The following RADIL variants were observed in gnomAD, a reference collection of about 807,000 sequenced individuals.
RADIL encodes the protein ras-associating and dilute domain-containing protein.
A neutral mutation model predicts 97.6 loss-of-function variants in RADIL; 99 were observed. The observed-to-expected ratio is 1.01, with a 90% CI of 0.86 to 1.20. The LOEUF (loss-of-function observed/expected upper bound fraction) is 1.20. Ranked by LOEUF, RADIL falls within the 50% of genes most tolerant of loss-of-function variation. The pLI is 0.00. For synonymous variants in RADIL, 803 were observed against 691.8 expected (o/e 1.16, Z -2.52); for missense variants, 1,765 against 1,498.9 (o/e 1.18, Z -2.93).
intron 5 of RADIL, among the ~76,000 whole-genome samples, chr7:4,826,211 AAAT>A (rs1270552550): frequency 6.6e-6 from 1 of 152,018 alleles, no homozygotes; most frequent in Non-Finnish European, 1.5e-5. Context: ...CTGTCTCAAA[AAAT>A]AATAATTAAT....
Position 4,834,518 on chromosome 7 carries a change from C to T in RADIL, c.1416+89G>A, listed in dbSNP as rs567474793. On this transcript the variant is annotated intron_variant, in intron 4 of 14. Transcript: ENST00000399583. This position sits in a 1 kb window ranked among gnomAD's most constrained non-coding sequence, Gnocchi z 6.0. ...CAGCACCGTGGGGGTCAGATAGAGG[C>T]GCTCCCGCCTCCCAGCCGGGGCCAG... 4.0e-5 allele frequency: 50 copies of T among 1,243,598 alleles called. No individual in the cohort carries two copies. Among genetic ancestry groups the T allele is most frequent in the East Asian group, 9.3e-5 (3 of 32,240 alleles). 77.0% of individuals were successfully genotyped at this position (1,243,598 alleles called of 1,614,324 possible). A position where few individuals can be genotyped will look rare whatever the true frequency, so the allele number is the denominator to read the frequency against.
chr7:4,835,036 G>T lies in RADIL; in HGVS notation c.987C>A (p.Phe329Leu). Reference sequence around the variant, plus strand: ...CCACGGTCCTGTGCCCCACCTCGGAGAAGTTGACGGAGATGTGCGCCCCGG... The same window carrying T: ...CCACGGTCCTGTGCCCCACCTCGGATAAGTTGACGGAGATGTGCGCCCCGG... Reference protein sequence around the residue: ...PIPGAHISVNFSEVGHRTVVL... With the variant: ...PIPGAHISVNLSEVGHRTVVL... The change falls in exon 4 of 15, where the codon TTC (phenylalanine) becomes TTA (leucine). Residue 329 changes from phenylalanine to leucine, a missense_variant. By Grantham distance (22) the Phe-to-Leu change is conservative. Transcript: ENST00000399583. This position sits in a 1 kb window ranked among gnomAD's most constrained non-coding sequence, Gnocchi z 5.8. 6.2e-7 allele frequency: 1 copy of T among 1,610,454 alleles called. No individual in the cohort carries two copies. The highest frequency in any genetic ancestry group is 8.5e-7 in the Non-Finnish European group (1 of 1,178,860).
At position 4,816,361 on chromosome 7, in the gene RADIL, G is replaced by A. The variant is rs1295002660; in HGVS notation, c.1833C>T (p.Arg611=). ...SAPELPEELR[R]VVSVYQAALD... ...GGGCTGCCTGGTACACAGACACCAC[G>A]CGGCGCAGCTCCTCGGGCAGTTCGG... The change falls in exon 8 of 15, where the codon CGC becomes CGT. Residue 611 remains arginine (R), a synonymous_variant. Coordinates refer to ENST00000399583, the MANE Select transcript of RADIL (RefSeq NM_018059.5). 9 of 1,611,342 alleles carry A rather than the reference G, an allele frequency of 5.6e-6. No individual in the cohort carries two copies. The Admixed American group carries it at 6.7e-5, about 12-fold the overall frequency.
intron 10 of RADIL, chr7:4,804,046 T>C (rs73312604): frequency 0.016 from 7,362 of 454,320 alleles, 444 homozygotes; most frequent in African/African-American, 0.13. Context: ...GCACTGGGCC[T>C]GTCTCTGCCC....
intron 2 of RADIL, chr7:4,859,861 CTTCT>C (rs1468731595): frequency 4.2e-6 from 6 of 1,429,884 alleles, no homozygotes; most frequent in South Asian, 1.3e-5. Flanking sequence ...TTGGTCCTTT[CTTCT>C]TTATGAGGCA....
At chr7:4,852,372 G>A (rs1158930551) in intron 2 of RADIL, among the ~76,000 whole-genome samples, 3 of 152,168 alleles carry the variant, frequency 2.0e-5, no homozygotes, top group African/African-American at 7.2e-5. Flanking sequence ...ACTTCCACTG[G>A]AATTTGCCTC....
chr7:4,881,161 A>G (rs558426960), intron 1 of RADIL, among the ~76,000 whole-genome samples: 1 of 145,922 alleles, frequency 6.9e-6, no homozygotes, highest in Non-Finnish European at 1.5e-5. Flanking sequence ...CACGCTTGTA[A>G]TCCCAGCACT....
At position 4,815,310 on chromosome 7, in the gene RADIL, G is replaced by C. The variant is rs1285743989; in HGVS notation, c.2107C>G (p.Leu703Val). The C allele has an allele frequency of 2.6e-6, 4 of 1,561,206 alleles. No individual in the cohort carries two copies. The highest frequency in any genetic ancestry group is 2.7e-5 in the African/African-American group (2 of 73,754). Residue 703 changes from leucine (L) to valine (V), a missense_variant, in exon 9 of 15, where the codon CTG becomes GTG. Transcript: ENST00000399583. The surrounding 1 kb of genome is among the most constrained non-coding windows in gnomAD (Gnocchi z 8.0). ...AGCTGGGCCCTGGGTGTGGCCAGCA[G>C]GTTGAGGGTGCAGGAGAGCTTCTGG... ...FFQKLSCTLN[L>V]LATPRAQLIQ...
chr7:4,825,170 G>A (rs561127203), intron 5 of RADIL, among the ~76,000 whole-genome samples: 146 of 152,068 alleles, frequency 9.6e-4, no homozygotes, highest in African/African-American at 3.3e-3. Flanking sequence ...AGGAACAGGC[G>A]TAGCTGGCTG....
chr7:4,861,068 A>G (rs1783978543), intron 2 of RADIL: 1 of 1,614,242 alleles, frequency 6.2e-7, no homozygotes, highest in East Asian at 2.2e-5. Context: ...GGCCCAGGAA[A>G]CACCTCCGAG....
In RADIL at chr7:4,799,052, C is replaced by G. The variant is rs955262232; in HGVS notation, c.*326G>C. On this transcript the variant is annotated 3_prime_UTR_variant, in exon 15 of 15. Transcript: ENST00000399583. ...AGGCCATGGGGAGCCCCTGCGGCCCCTCCGAGCAGCCCACGCCTGCTGCCC... is the reference window on the plus strand; with the variant it reads ...AGGCCATGGGGAGCCCCTGCGGCCCGTCCGAGCAGCCCACGCCTGCTGCCC... 3.1e-6 allele frequency: 1 copy of G among 322,834 alleles called. No individual in the cohort carries two copies. The highest frequency in any genetic ancestry group is 2.2e-5 in the African/African-American group (1 of 46,298). The allele number at this position is 322,834 out of a possible 1,614,324, so 20.0% of individuals were successfully genotyped here. A position where few individuals can be genotyped will look rare whatever the true frequency, so the allele number is the denominator to read the frequency against.
At position 4,872,057 on chromosome 7, in the gene RADIL, C is replaced by T. The variant is rs1304629997; in HGVS notation, c.535+5548G>A. Among the ~76,000 whole-genome samples, 1 of 152,184 alleles carries T rather than the reference C, an allele frequency of 6.6e-6. No individual in the cohort carries two copies. Among genetic ancestry groups the T allele is most frequent in the Non-Finnish European group, 1.5e-5 (1 of 68,036 alleles). On this transcript the variant is annotated intron_variant, in intron 2 of 14. Transcript: ENST00000399583. This position sits in a 1 kb window ranked among gnomAD's most constrained non-coding sequence, Gnocchi z 5.8. ...GGGTTTGCCAGGCACCCAGCCCCTC[C>T]GAGAGTGGCCCAGGAGAAACAAATG... is the stretch of plus-strand genomic sequence containing the variant.
rs377554897 is a variant in RADIL, at chr7:4,815,317, G to A, written c.2100C>T (p.Thr700=). ...GEHFFQKLSC[T]LNLLATPRAQ... The stretch of plus-strand genomic sequence containing the variant: ...CCCTGGGTGTGGCCAGCAGGTTGAG[G>A]GTGCAGGAGAGCTTCTGGAAGAAGT... Residue 700 remains threonine (T), a synonymous_variant, in exon 9 of 15, where the codon ACC becomes ACT. Coordinates refer to ENST00000399583, the MANE Select transcript of RADIL (RefSeq NM_018059.5). This position sits in a 1 kb window ranked among gnomAD's most constrained non-coding sequence, Gnocchi z 8.0. 73 of 1,560,428 alleles carry A rather than the reference G, an allele frequency of 4.7e-5. No homozygotes were observed. The African/African-American group carries it at 8.8e-4, about 19-fold the overall frequency.
intron 9 of RADIL, chr7:4,809,128 T>C (rs1038479516): frequency 1.0e-5 from 10 of 984,842 alleles, no homozygotes; most frequent in African/African-American, 1.8e-5. Flanking sequence ...AGGCGCTTCC[T>C]GGCCTCAGCG....
chr7:4,870,974 A>G (rs1325635351), intron 2 of RADIL, among the ~76,000 whole-genome samples: 1 of 152,272 alleles, frequency 6.6e-6, no homozygotes, highest in South Asian at 2.1e-4. Context: ...AAGTGTAAGC[A>G]GTAAACTGAA....
rs1157454209 is a variant in RADIL, at chr7:4,867,972, A to T, written c.535+9633T>A. Among the ~76,000 whole-genome samples, 4 of 152,244 alleles carry T rather than the reference A, an allele frequency of 2.6e-5. No homozygotes were observed. Among genetic ancestry groups the T allele is most frequent in the Non-Finnish European group, 1.5e-5 (1 of 68,038 alleles). On this transcript the variant is annotated intron_variant, in intron 2 of 14. Coordinates refer to ENST00000399583, the MANE Select transcript of RADIL (RefSeq NM_018059.5). This position sits in a 1 kb window ranked among gnomAD's most constrained non-coding sequence, Gnocchi z 4.1. ...CATATTGGTGAGACGGCTGTCCTGC[A>T]TTAGGCATTCGGTCATGGCTGCAGG...
chr7:4,842,253 C>T lies in RADIL; in HGVS notation c.536-5648G>A, dbSNP rs1783457976. 1.3e-5 allele frequency among the ~76,000 whole-genome samples: 2 copies of T among 152,134 alleles called. No individual in the cohort carries two copies. The highest frequency in any genetic ancestry group is 1.3e-4 in the Admixed American group (2 of 15,262). On this transcript the variant is annotated intron_variant, in intron 2 of 14. Transcript: ENST00000399583. This position sits in a 1 kb window ranked among gnomAD's most constrained non-coding sequence, Gnocchi z 4.5. ...CGGTCGTTGTTGACATCTTCTTCTA[C>T]TCTCACAGCAGAGGCCGTAAGGAAA...
At position 4,878,192 on chromosome 7, in the gene RADIL, G is replaced by GGA; in HGVS notation, c.-55_-54dup. The stretch of plus-strand genomic sequence containing the variant: ...TGTGGGCTTCAGCCAAAGGATGTGG[G>GGA]GAGGCCGTGACCTGGGTGAAAAAGT... On this transcript the variant is annotated 5_prime_UTR_variant, in exon 2 of 15. Coordinates refer to ENST00000399583, the MANE Select transcript of RADIL (RefSeq NM_018059.5). The surrounding 1 kb of genome is among the most constrained non-coding windows in gnomAD (Gnocchi z 4.1). The GGA allele has an allele frequency of 6.8e-7, 1 of 1,463,568 alleles. No individual in the cohort carries two copies. Among genetic ancestry groups the GGA allele is most frequent in the Non-Finnish European group, 9.0e-7 (1 of 1,107,120 alleles). The allele number at this position is 1,463,568 out of a possible 1,614,324, so 90.7% of individuals were successfully genotyped here. A position where few individuals can be genotyped will look rare whatever the true frequency, so the allele number is the denominator to read the frequency against.
Position 4,879,153 on chromosome 7 carries a change from C to T in RADIL, c.-64-950G>A, listed in dbSNP as rs969416926. On this transcript the variant is annotated intron_variant, in intron 1 of 14. Coordinates refer to ENST00000399583, the MANE Select transcript of RADIL (RefSeq NM_018059.5). The surrounding 1 kb of genome is among the most constrained non-coding windows in gnomAD (Gnocchi z 4.1). ...AGGCATGGCCGGAATGCAGGCGTCC[C>T]GCCCACCACAGGCCGCGGGTGCCCG... is the stretch of plus-strand genomic sequence containing the variant. 3.9e-5 allele frequency among the ~76,000 whole-genome samples: 6 copies of T among 152,226 alleles called. No individual in the cohort carries two copies. The highest frequency in any genetic ancestry group is 7.2e-5 in the African/African-American group (3 of 41,466).
Sources: allele counts gnomAD v4.1 joint callset (sites outside exome capture counted in the v4.1 genomes callset), GRCh38; gene constraint gnomAD v4.1.1; non-coding constraint Gnocchi (gnomAD v3.1); transcripts MANE v1.5; gene names NCBI Gene and HGNC (gene_info 2026-07-23, HGNC 2026-07-21).